SAMD3: variants seen among roughly 807,000 people sequenced by gnomAD.
SAMD3 encodes the protein sterile alpha motif domain containing 3.
Under a neutral mutation model 58.5 loss-of-function variants are expected in SAMD3, and 63 were observed. The observed-to-expected ratio is 1.08, with a 90% CI of 0.88 to 1.33. SAMD3 has a LOEUF of 1.33. Among genes scored for constraint, SAMD3 ranks in the 40% most tolerant of loss-of-function variants. The pLI is 0.00. For synonymous variants in SAMD3, 220 were observed against 210.3 expected (o/e 1.05, Z -0.40); for missense variants, 604 against 608.4 (o/e 0.99, Z 0.08).
Position 130,144,650 on chromosome 6 carries a change from A to G in SAMD3, c.1433T>C (p.Ile478Thr). The stretch of plus-strand genomic sequence containing the variant: ...TTGGGACAGTCTTCTTGGACACTCA[A>G]TCCTAAATACATGAAAGGCAGCTAC... ...ALVAAFHVFR[I>T]ECPRRLSQTF... Residue 478 changes from isoleucine (I) to threonine (T), a missense_variant, in exon 12 of 12, where the codon ATT (isoleucine) becomes ACT (threonine). By Grantham distance (89) the Ile-to-Thr change is moderately conservative. Coordinates refer to ENST00000439090, the MANE Select transcript of SAMD3 (RefSeq NM_001017373.4). The G allele has an allele frequency of 6.2e-7, 1 of 1,614,142 alleles. No individual in the cohort carries two copies. The highest frequency in any genetic ancestry group is 8.5e-7 in the Non-Finnish European group (1 of 1,180,014).
intron 1 of SAMD3, among the ~76,000 whole-genome samples, chr6:130,343,602 C>T (rs1349762639): frequency 6.6e-6 from 1 of 152,048 alleles, no homozygotes; most frequent in Non-Finnish European, 1.5e-5. Context: ...GCTGGGTGTA[C>T]TAAGAAGTAG....
chr6:130,149,548 C>A (rs991726588), intron 9 of SAMD3, among the ~76,000 whole-genome samples: 8 of 152,172 alleles, frequency 5.3e-5, no homozygotes, highest in African/African-American at 1.9e-4. Flanking sequence ...AGAATGAAAT[C>A]ATGTCCTTTG....
intron 5 of SAMD3, among the ~76,000 whole-genome samples, chr6:130,205,818 G>C (rs556517712): frequency 1.3e-5 from 2 of 152,194 alleles, no homozygotes; most frequent in Non-Finnish European, 2.9e-5. Flanking sequence ...GAAGGGCTCC[G>C]TGCCTGGCCT....
intron 7 of SAMD3, among the ~76,000 whole-genome samples, chr6:130,177,746 T>C (rs1307422816): frequency 6.6e-6 from 1 of 152,196 alleles, no homozygotes; most frequent in Non-Finnish European, 1.5e-5. Flanking sequence ...CTTCCTTCCT[T>C]CCTTCCTTTC....
At chr6:130,168,761 C>A (rs910776701) in intron 8 of SAMD3, among the ~76,000 whole-genome samples, 5 of 152,094 alleles carry the variant, frequency 3.3e-5, no homozygotes, top group African/African-American at 1.2e-4. Flanking sequence ...GTGAGAGTTA[C>A]CCAAGTGTGT....
At chr6:130,280,880 A>G (rs1046903104) in intron 2 of SAMD3, among the ~76,000 whole-genome samples, 24 of 152,214 alleles carry the variant, frequency 1.6e-4, no homozygotes, top group African/African-American at 5.8e-4. Flanking sequence ...AAATGTTCAC[A>G]TTAAAAATGT....
intron 2 of SAMD3, among the ~76,000 whole-genome samples, chr6:130,263,758 G>A (rs973901968): frequency 6.6e-6 from 1 of 152,220 alleles, no homozygotes; most frequent in South Asian, 2.1e-4. Context: ...AAGTACTTCT[G>A]TTCCTCCTGA....
chr6:130,345,074 C>T (rs966746075), intron 1 of SAMD3, among the ~76,000 whole-genome samples: 1 of 152,102 alleles, frequency 6.6e-6, no homozygotes, highest in Non-Finnish European at 1.5e-5. Context: ...TTCTGAACCT[C>T]TTAAGGTGGG....
At chr6:130,229,900 G>A (rs1796495116) in intron 2 of SAMD3, among the ~76,000 whole-genome samples, 1 of 152,106 alleles carries the variant, frequency 6.6e-6, no homozygotes, top group Admixed American at 6.5e-5. Context: ...CAGTTTTAAT[G>A]GCTGTCAAAC....
chr6:130,242,104 T>A (rs1773379909), intron 2 of SAMD3, among the ~76,000 whole-genome samples: 1 of 152,212 alleles, frequency 6.6e-6, no homozygotes, highest in Non-Finnish European at 1.5e-5. Flanking sequence ...ACTTTAAGGA[T>A]AAGTGTCAAT....
intron 2 of SAMD3, among the ~76,000 whole-genome samples, chr6:130,281,985 G>A (rs1347082991): frequency 6.6e-6 from 1 of 152,136 alleles, no homozygotes; most frequent in African/African-American, 2.4e-5. Context: ...TTCAGCATTT[G>A]CACATGCCAT....
At chr6:130,281,866 T>C (rs1037356989) in intron 2 of SAMD3, among the ~76,000 whole-genome samples, 4 of 149,428 alleles carry the variant, frequency 2.7e-5, no homozygotes, top group African/African-American at 7.4e-5. Flanking sequence ...TGAGCCGAGA[T>C]CGTGTCACTG....
chr6:130,337,702 A>C (rs946092909), intron 1 of SAMD3, among the ~76,000 whole-genome samples: 1 of 152,334 alleles, frequency 6.6e-6, no homozygotes, highest in South Asian at 2.1e-4. Context: ...TCAGGTAGAG[A>C]TGAGGAACTT....
intron 2 of SAMD3, among the ~76,000 whole-genome samples, chr6:130,243,542 A>AT (rs991594787): frequency 3.0e-4 from 46 of 152,278 alleles, no homozygotes; most frequent in African/African-American, 1.1e-3. Flanking sequence ...TAGCATTTCC[A>AT]TTTTTTCAGG....
At chr6:130,285,508 C>T (rs1775125468) in intron 2 of SAMD3, among the ~76,000 whole-genome samples, 2 of 152,110 alleles carry the variant, frequency 1.3e-5, no homozygotes, top group Non-Finnish European at 2.9e-5. Context: ...ATGCCCAAAG[C>T]TATGTCAGCC....
intron 5 of SAMD3, among the ~76,000 whole-genome samples, chr6:130,209,098 C>T (rs975685878): frequency 2.6e-5 from 4 of 152,146 alleles, no homozygotes; most frequent in African/African-American, 7.2e-5. Flanking sequence ...CTGCCTCTAT[C>T]GGGAGAGTCA....
upstream of SAMD3, chr6:130,365,429 G>C: frequency 1.0e-6 from 1 of 985,470 alleles, no homozygotes; most frequent in African/African-American, 1.7e-5. Flanking sequence ...GTCTTTTCCG[G>C]CCAGGTTTGG....
chr6:130,157,706 TACTC>T (rs1204938083), intron 8 of SAMD3, among the ~76,000 whole-genome samples: 1 of 152,218 alleles, frequency 6.6e-6, no homozygotes, highest in Non-Finnish European at 1.5e-5. Context: ...ATTAAACTCT[TACTC>T]AGCCTATACT....
At chr6:130,261,605 G>A (rs527807413) in intron 2 of SAMD3, among the ~76,000 whole-genome samples, 42 of 152,230 alleles carry the variant, frequency 2.8e-4, no homozygotes, top group East Asian at 3.9e-4. Context: ...TGGTGTGAGC[G>A]TGGTGTTTTG....
Sources: allele counts gnomAD v4.1 joint callset (sites outside exome capture counted in the v4.1 genomes callset), GRCh38; gene constraint gnomAD v4.1.1; transcripts MANE v1.5; gene names NCBI Gene and HGNC (gene_info 2026-07-23, HGNC 2026-07-21).